The following EYA1 variants were observed in gnomAD, a reference collection of about 807,000 sequenced individuals.
EYA1 encodes the protein EYA transcriptional coactivator and phosphatase 1, also known as protein phosphatase EYA1.
A neutral mutation model predicts 82.0 loss-of-function variants in EYA1; 16 were observed. That is an observed-to-expected ratio of 0.20 (90% CI 0.13 to 0.30). The LOEUF (loss-of-function observed/expected upper bound fraction) is 0.30. Among genes scored for constraint, EYA1 ranks in the 10% least tolerant of loss-of-function variants. The probability of loss-of-function intolerance (pLI) is 1.00; values close to 1 mark genes in which losing one functional copy is unlikely to be tolerated. For synonymous variants in EYA1, 261 were observed against 264.4 expected, an observed-to-expected ratio of 0.99 and a Z score of 0.12; for missense variants, 633 against 730.7, an observed-to-expected ratio of 0.87 and a Z score of 1.54.
intron 7 of EYA1, among the ~76,000 whole-genome samples, chr8:71,303,576 A>C (rs1820426851): frequency 7.1e-6 from 1 of 141,222 alleles, no homozygotes; most frequent in Non-Finnish European, 1.6e-5. Flanking sequence ...TTAATTTTTC[A>C]CGACCAGAAT....
intron 9 of EYA1, among the ~76,000 whole-genome samples, chr8:71,290,733 T>C (rs13252773): frequency 0.31 from 46,658 of 151,830 alleles, 7,250 homozygotes; most frequent in Admixed American, 0.34. Flanking sequence ...TCTCACAGTA[T>C]AAAACAAAGA....
rs796067166 is a variant in EYA1 at position 71,237,058 on chromosome 8, C to CT, written c.1140+7544dup. ...GGCTGTTTGACTTGACATTTCTTTT[C>CT]TTTTTTTTTTTTGAGATGGAGTCTC... On this transcript the variant is annotated intron_variant, in intron 12 of 17. Coordinates refer to ENST00000340726, the MANE Select transcript of EYA1 (RefSeq NM_000503.6). Among the ~76,000 whole-genome samples, 822 of 144,550 alleles carry CT rather than the reference C, an allele frequency of 5.7e-3. 3 individuals are homozygous for CT. Among genetic ancestry groups the CT allele is most frequent in the African/African-American group, 0.016 (638 of 39,744 alleles). 94.8% of individuals were successfully genotyped at this position (144,550 alleles called of 152,430 possible).
chr8:71,224,445 T>A (rs140134072), intron 12 of EYA1, among the ~76,000 whole-genome samples: 1 of 152,254 alleles, frequency 6.6e-6, no homozygotes, highest in African/African-American at 2.4e-5. Context: ...GAAGTGATCA[T>A]TGGGTTCTGT....
intron 9 of EYA1, among the ~76,000 whole-genome samples, chr8:71,275,746 A>T (rs1473037923): frequency 1.3e-5 from 2 of 152,220 alleles, no homozygotes; most frequent in Non-Finnish European, 2.9e-5. Flanking sequence ...ACATGGCAAT[A>T]ATACAGATTC....
Position 71,443,840 on chromosome 8 carries a change from T to G in EYA1, c.34-87329A>C, listed in dbSNP as rs139784366. On this transcript the variant is annotated intron_variant, in intron 2 of 18. Coordinates refer to the EYA1 transcript ENST00000643681. ...ACATGTAATTTAAGTTTTGCCCTTA[T>G]GCAAAACAGAATTTTAAATAACATT... 1.5e-4 allele frequency among the ~76,000 whole-genome samples: 23 copies of G among 152,344 alleles called. No homozygotes were observed. The East Asian group carries it at 4.4e-3, about 29-fold the overall frequency.
intron 2 of EYA1, among the ~76,000 whole-genome samples, chr8:71,380,500 C>T (rs550366429): frequency 6.6e-6 from 1 of 152,260 alleles, no homozygotes; most frequent in East Asian, 1.9e-4. Flanking sequence ...CAGCCCTGCC[C>T]CTGCGGCATG....
chr8:71,200,610 C>G (rs1806858601), intron 17 of EYA1, among the ~76,000 whole-genome samples: 1 of 152,068 alleles, frequency 6.6e-6, no homozygotes, highest in Admixed American at 6.5e-5. Context: ...CTAAATATTT[C>G]TTTGTAGATT....
intron 2 of EYA1, among the ~76,000 whole-genome samples, chr8:71,444,321 A>G (rs1806677061): frequency 6.6e-6 from 1 of 152,232 alleles, no homozygotes; most frequent in Admixed American, 6.5e-5. Flanking sequence ...AAAGAAAGAC[A>G]TGTGGGGACA....
In EYA1 at chr8:71,255,879, A is replaced by G. The variant is rs796355855; in HGVS notation, c.1051-11187T>C. ...GACCTCCTATGACTCAATAAAAAAA[A>G]CCCTGATTTAAAAAATGGGAAAAGG... On this transcript the variant is annotated intron_variant, in intron 11 of 17. Transcript: ENST00000340726. Among the ~76,000 whole-genome samples the G allele has an allele frequency of 4.0e-5, 6 of 151,290 alleles. No individual in the cohort carries two copies. In the South Asian group the frequency reaches 8.4e-4, roughly 21 times the overall value.
chr8:71,305,886 A>G (rs1199254194), intron 7 of EYA1, among the ~76,000 whole-genome samples: 1 of 152,084 alleles, frequency 6.6e-6, no homozygotes, highest in Non-Finnish European at 1.5e-5. Context: ...ACGCATACGC[A>G]CACACACACA....
chr8:71,480,351 A>T (rs551234324), intron 2 of EYA1, among the ~76,000 whole-genome samples: 1 of 152,288 alleles, frequency 6.6e-6, no homozygotes, highest in African/African-American at 2.4e-5. Context: ...GGGGTACAAA[A>T]TGGGGCCCAG....
chr8:71,508,114 G>T (rs917234697), intron 2 of EYA1, among the ~76,000 whole-genome samples: 7 of 152,146 alleles, frequency 4.6e-5, no homozygotes, highest in African/African-American at 1.7e-4. Context: ...TGCAGTGACT[G>T]CCTCCTTTGT....
At chr8:71,316,502 C>T (rs1025455049) in intron 7 of EYA1, among the ~76,000 whole-genome samples, 1 of 152,106 alleles carries the variant, frequency 6.6e-6, no homozygotes, top group Admixed American at 6.6e-5. Flanking sequence ...CTAAAAACAG[C>T]AGGCTGCAAT....
At chr8:71,254,468 A>T (rs1203599795) in intron 11 of EYA1, among the ~76,000 whole-genome samples, 4 of 152,168 alleles carry the variant, frequency 2.6e-5, no homozygotes, top group Non-Finnish European at 5.9e-5. Flanking sequence ...ATTGAGTGAG[A>T]ATCTATAGAT....
At chr8:71,401,245 T>C (rs1829941320) in intron 2 of EYA1, among the ~76,000 whole-genome samples, 1 of 152,178 alleles carries the variant, frequency 6.6e-6, no homozygotes, top group South Asian at 2.1e-4. Context: ...CATTTACCTG[T>C]GTAACAAACC....
intron 2 of EYA1, among the ~76,000 whole-genome samples, chr8:71,386,050 A>G (rs1363429357): frequency 6.6e-6 from 1 of 152,172 alleles, no homozygotes; most frequent in African/African-American, 2.4e-5. Context: ...ATTATGCTTC[A>G]CTGTATTACT....
chr8:71,424,037 C>T (rs1396326406), intron 2 of EYA1, among the ~76,000 whole-genome samples: 1 of 152,180 alleles, frequency 6.6e-6, no homozygotes, highest in Non-Finnish European at 1.5e-5. Context: ...GCCAAAATCT[C>T]TTTTCTATAG....
chr8:71,464,634 A>G (rs1331482916), intron 2 of EYA1, among the ~76,000 whole-genome samples: 1 of 152,238 alleles, frequency 6.6e-6, no homozygotes, highest in Non-Finnish European at 1.5e-5. Context: ...ATTCTTTATC[A>G]TCAAAATTTT....
chr8:71,501,634 T>A (rs929633164), intron 2 of EYA1, among the ~76,000 whole-genome samples: 1 of 152,090 alleles, frequency 6.6e-6, no homozygotes, highest in Admixed American at 6.5e-5. Flanking sequence ...TAAAACAACT[T>A]TGGGACTGAA....
Sources: gnomAD v4.1 joint callset for allele counts (sites outside exome capture counted in the v4.1 genomes callset) on GRCh38, gnomAD v4.1.1 for gene constraint, MANE v1.5 for transcripts, NCBI Gene and HGNC (gene_info 2026-07-23, HGNC 2026-07-21) for gene names.